The following MPRIP variants were observed in gnomAD, a reference collection of about 807,000 sequenced individuals.
MPRIP encodes myosin phosphatase Rho interacting protein.
MPRIP carries 59 observed loss-of-function variants against 234.9 expected under a neutral mutation model. The ratio of observed to expected loss-of-function variants is 0.25; its 90% CI spans 0.20 to 0.31. The LOEUF is 0.31. Ranked by LOEUF, MPRIP falls within the 10% of genes least tolerant of loss-of-function variation. The pLI, the probability that MPRIP is intolerant of heterozygous loss-of-function variation, is 1.00. For missense variants in MPRIP, 2,436 were observed against 3,071.0 expected, an observed-to-expected ratio of 0.79 and a Z score of 4.89; for synonymous variants, 1,144 against 1,263.9, an observed-to-expected ratio of 0.91 and a Z score of 2.01.
intron 13 of MPRIP, among the ~76,000 whole-genome samples, chr17:17,158,044 C>T (rs1385212783): frequency 6.6e-6 from 1 of 152,166 alleles, no homozygotes; most frequent in Non-Finnish European, 1.5e-5. Context: ...CCCGTCCTGC[C>T]TCTGAGGCTG....
intron 7 of MPRIP, among the ~76,000 whole-genome samples, chr17:17,140,009 C>T (rs2090780070): frequency 6.6e-6 from 1 of 152,224 alleles, no homozygotes; most frequent in Non-Finnish European, 1.5e-5. Context: ...CCAGTGGGGC[C>T]TTAGCCAGGA....
chr17:17,097,021 T>G, intron 3 of MPRIP: 1 of 325,182 alleles, frequency 3.1e-6, no homozygotes, highest in Non-Finnish European at 6.2e-6. Flanking sequence ...GCCTTGCAAC[T>G]CCCTGGGGAA....
intron 3 of MPRIP, among the ~76,000 whole-genome samples, chr17:17,107,669 C>T (rs565283316): frequency 2.8e-4 from 42 of 152,330 alleles, no homozygotes; most frequent in African/African-American, 1.0e-3. Flanking sequence ...AGAGCAATCC[C>T]TACCCTCCTT....
chr17:17,144,787 C>T (rs936626591), intron 9 of MPRIP, among the ~76,000 whole-genome samples: 3 of 152,124 alleles, frequency 2.0e-5, no homozygotes, highest in African/African-American at 4.8e-5. Context: ...ACCCGGGAGG[C>T]GGAGGTTGCA....
Position 17,191,060 on chromosome 17 carries a change from A to G in MPRIP, c.*6166A>G, listed in dbSNP as rs760741968. 13 of 152,198 alleles carry G rather than the reference A, an allele frequency of 8.5e-5. No individual in the cohort carries two copies. Among genetic ancestry groups the G allele is most frequent in the Non-Finnish European group, 1.5e-4 (10 of 68,038 alleles). 9.4% of individuals were successfully genotyped at this position (152,198 alleles called of 1,614,324 possible). The stretch of plus-strand genomic sequence containing the variant: ...CCAGCATTATAAGGAAATGTTTTTA[A>G]TGACTGCTGCATCTTTGTAAAACGT... On this transcript the variant is annotated 3_prime_UTR_variant, in exon 24 of 24. Coordinates refer to ENST00000651222, the MANE Select transcript of MPRIP (RefSeq NM_001364716.4).
chr17:17,094,137 G>A (rs1303272396), intron 3 of MPRIP, among the ~76,000 whole-genome samples: 2 of 151,618 alleles, frequency 1.3e-5, no homozygotes, highest in South Asian at 2.1e-4. Flanking sequence ...GTTTTTTTTG[G>A]TTTGTTTTTT....
At position 17,177,403 on chromosome 17, in the gene MPRIP, T is replaced by C; in HGVS notation, c.7111T>C (p.Ser2371Pro). ...GEKSPDSATVSGYDIMKSKSN... is the reference protein window; with the variant it reads ...GEKSPDSATVPGYDIMKSKSN... ...GAAGTCCCCTGACAGTGCCACGGTGTCCGGATATGGTGCGTCCTCGGGTCA... is the reference window on the plus strand; with the variant it reads ...GAAGTCCCCTGACAGTGCCACGGTGCCCGGATATGGTGCGTCCTCGGGTCA... The change falls in exon 22 of 24, where the codon TCC becomes CCC. Residue 2371 changes from serine to proline, a missense_variant. Physicochemically the swap from Ser to Pro is moderately conservative, Grantham distance 74. This residue lies in a region of MPRIP where 1,998 missense variants were observed against 2,520.3 expected (regional missense o/e 0.79). Transcript: ENST00000651222. 1 of 1,613,406 alleles carries C rather than the reference T, an allele frequency of 6.2e-7. No individual in the cohort carries two copies. The highest frequency in any genetic ancestry group is 8.5e-7 in the Non-Finnish European group (1 of 1,179,842).
At chr17:17,133,309 T>G (rs1365302398) in intron 5 of MPRIP, among the ~76,000 whole-genome samples, 1 of 152,208 alleles carries the variant, frequency 6.6e-6, no homozygotes. Context: ...TTGAGGCTGC[T>G]TGTTTCCAGA....
At chr17:17,083,240 A>G (rs1351577881) in intron 3 of MPRIP, among the ~76,000 whole-genome samples, 3 of 152,218 alleles carry the variant, frequency 2.0e-5, no homozygotes, top group Admixed American at 6.5e-5. Context: ...TTCAGGGGCA[A>G]CCTGGGAGTT....
rs1352790302 is a variant in MPRIP, at chr17:17,054,278, AG to A, written c.123+11309del. Among the ~76,000 whole-genome samples, 3 of 152,258 alleles carry A rather than the reference AG, an allele frequency of 2.0e-5. No individual in the cohort carries two copies. The South Asian group carries it at 6.2e-4, about 31-fold the overall frequency. The stretch of plus-strand genomic sequence containing the variant: ...ATTGTAAGGCATACCTCCTACCACC[AG>A]GAAGTTCAAAAACAAGGACAAAAGC... On this transcript the variant is annotated intron_variant, in intron 1 of 23. Coordinates refer to ENST00000651222, the MANE Select transcript of MPRIP (RefSeq NM_001364716.4).
In MPRIP at chr17:17,168,072, G is replaced by T. The variant is rs192187339; in HGVS notation, c.6324+157G>T. On this transcript the variant is annotated intron_variant, in intron 16 of 23. Coordinates refer to ENST00000651222, the MANE Select transcript of MPRIP (RefSeq NM_001364716.4). ...GTGTGGTCTCAGCAGGGCCTGGGCC[G>T]CAGGCTTAGCCTCTTGTTCGGCATC... 2.1e-3 allele frequency: 1,127 copies of T among 548,700 alleles called. 5 individuals carry two copies. Among genetic ancestry groups the T allele is most frequent in the Middle Eastern group, 0.02 (28 of 1,376 alleles). The allele number at this position is 548,700 out of a possible 1,614,324, so 34.0% of individuals were successfully genotyped here. A position where few individuals can be genotyped will look rare whatever the true frequency, so the allele number is the denominator to read the frequency against.
chr17:17,103,280 G>A (rs147103008), intron 3 of MPRIP, among the ~76,000 whole-genome samples: 135 of 152,240 alleles, frequency 8.9e-4, no homozygotes, highest in African/African-American at 3.1e-3. Context: ...AGCTAAGGAG[G>A]TCAGGCTTGT....
At chr17:17,068,964 A>G (rs539627223) in intron 1 of MPRIP, among the ~76,000 whole-genome samples, 1 of 152,198 alleles carries the variant, frequency 6.6e-6, no homozygotes, top group African/African-American at 2.4e-5. Context: ...TTCTAATGTG[A>G]GCATCATAGT....
At chr17:17,109,071 C>T (rs1188270870) in intron 3 of MPRIP, among the ~76,000 whole-genome samples, 1 of 152,234 alleles carries the variant, frequency 6.6e-6, no homozygotes, top group Non-Finnish European at 1.5e-5. Flanking sequence ...CTTCTGTGTC[C>T]TCTCCTTACC....
intron 3 of MPRIP, among the ~76,000 whole-genome samples, chr17:17,091,102 G>C (rs1016036705): frequency 3.3e-5 from 5 of 150,526 alleles, no homozygotes; most frequent in Non-Finnish European, 5.9e-5. Flanking sequence ...GGTTGGGGAG[G>C]GGGTGGGGTT....
At chr17:17,108,706 C>T (rs1363706516) in intron 3 of MPRIP, among the ~76,000 whole-genome samples, 1 of 152,172 alleles carries the variant, frequency 6.6e-6, no homozygotes, top group Non-Finnish European at 1.5e-5. Context: ...CGGGAGGGTG[C>T]TGGGGGTGGG....
chr17:17,079,669 C>T (rs1360879922), intron 3 of MPRIP, among the ~76,000 whole-genome samples: 4 of 152,150 alleles, frequency 2.6e-5, no homozygotes, highest in Non-Finnish European at 4.4e-5. Flanking sequence ...GGGTCATGAA[C>T]CATCCCAAAA....
intron 23 of MPRIP, among the ~76,000 whole-genome samples, chr17:17,184,172 A>G (rs571396594): frequency 2.0e-5 from 3 of 152,366 alleles, no homozygotes; most frequent in South Asian, 4.1e-4. Context: ...ATCTCTGGAC[A>G]TACAGATTTA....
intron 3 of MPRIP, among the ~76,000 whole-genome samples, chr17:17,111,754 C>A (rs2144287395): frequency 6.6e-6 from 1 of 152,290 alleles, no homozygotes; most frequent in East Asian, 1.9e-4. Flanking sequence ...CAGGCAGTCT[C>A]CTACCTTCCT....
Sources: gnomAD v4.1 joint callset for allele counts (sites outside exome capture counted in the v4.1 genomes callset) on GRCh38, gnomAD v4.1.1 for gene constraint, gnomAD v4.1.1 regional missense constraint, MANE v1.5 for transcripts, NCBI Gene and HGNC (gene_info 2026-07-23, HGNC 2026-07-21) for gene names.